The following FAM110B variants were observed in gnomAD, a reference collection of about 807,000 sequenced individuals.
The protein encoded by FAM110B is family with sequence similarity 110 member B.
A neutral mutation model predicts 20.4 loss-of-function variants in FAM110B; 6 were observed. That is an observed-to-expected ratio of 0.29 (90% CI 0.16 to 0.58). The LOEUF is 0.58. Ranked by LOEUF, FAM110B falls within the 20% of genes least tolerant of loss-of-function variation. The pLI is 0.90. For missense variants in FAM110B, 434 were observed against 498.2 expected (o/e 0.87, Z 1.23); for synonymous variants, 226 against 214.1 (o/e 1.06, Z -0.49).
At chr8:58,039,309 C>A (rs1293512659) in intron 2 of FAM110B, among the ~76,000 whole-genome samples, 2 of 152,184 alleles carry the variant, frequency 1.3e-5, no homozygotes, top group Non-Finnish European at 2.9e-5. Context: ...TCATTTCCTG[C>A]AGAGTGCCTG....
At chr8:57,997,725 T>TGGG (rs1257521442) in intron 1 of FAM110B, among the ~76,000 whole-genome samples, 1 of 152,202 alleles carries the variant, frequency 6.6e-6, no homozygotes, top group Non-Finnish European at 1.5e-5. Flanking sequence ...ATTCATTCTA[T>TGGG]TCAGTACAGA....
intron 3 of FAM110B, among the ~76,000 whole-genome samples, chr8:58,137,144 G>C (rs143043702): frequency 2.0e-5 from 3 of 152,200 alleles, no homozygotes; most frequent in Non-Finnish European, 4.4e-5. Flanking sequence ...AGCACAGGCC[G>C]TATCACTTGA....
At chr8:58,062,429 G>A (rs1384198841) in intron 2 of FAM110B, among the ~76,000 whole-genome samples, 2 of 152,098 alleles carry the variant, frequency 1.3e-5, no homozygotes, top group Non-Finnish European at 2.9e-5. Context: ...GACTCCATTT[G>A]CACATTAATT....
rs1360444803 is a variant in FAM110B at position 58,148,179 on chromosome 8, T to G, written c.*836T>G. The stretch of plus-strand genomic sequence containing the variant: ...TTGTGGTTTTTTGTTTTTTTTTTTT[T>G]TTTTTTTGGTCGAGAACTACTAATT... On this transcript the variant is annotated 3_prime_UTR_variant, in exon 4 of 4. Coordinates refer to ENST00000519262, the MANE Select transcript of FAM110B (RefSeq NM_001377989.1). 6.2e-6 allele frequency: 1 copy of G among 161,862 alleles called. No homozygotes were observed. The allele number at this position is 161,862 out of a possible 1,614,324, so 10.0% of individuals were successfully genotyped here.
intron 3 of FAM110B, among the ~76,000 whole-genome samples, chr8:58,097,149 T>C (rs1318991511): frequency 6.6e-6 from 1 of 152,180 alleles, no homozygotes; most frequent in Non-Finnish European, 1.5e-5. Context: ...TCCAACTTGG[T>C]TCCATTTTCC....
intron 2 of FAM110B, among the ~76,000 whole-genome samples, chr8:58,074,891 T>C (rs1805995745): frequency 6.6e-6 from 1 of 152,188 alleles, no homozygotes; most frequent in Admixed American, 6.5e-5. Context: ...GGAAGTAAGA[T>C]ATGATGCCAC....
intron 3 of FAM110B, among the ~76,000 whole-genome samples, chr8:58,079,092 C>T (rs959843045): frequency 1.2e-4 from 18 of 152,122 alleles, no homozygotes; most frequent in African/African-American, 4.1e-4. Flanking sequence ...TTTTGCCTCT[C>T]CCCAGATCAG....
At chr8:58,092,564 A>G (rs969392058) in intron 3 of FAM110B, among the ~76,000 whole-genome samples, 12 of 152,190 alleles carry the variant, frequency 7.9e-5, no homozygotes, top group African/African-American at 2.9e-4. Flanking sequence ...GTCCCTGCAA[A>G]GGACATGAAC....
intron 2 of FAM110B, among the ~76,000 whole-genome samples, chr8:58,047,886 A>C (rs1485689708): frequency 2.6e-5 from 4 of 152,100 alleles, no homozygotes; most frequent in Non-Finnish European, 5.9e-5. Flanking sequence ...GAATTTTGAA[A>C]AAAAAATTTT....
At chr8:58,097,998 C>T (rs7003275) in intron 3 of FAM110B, among the ~76,000 whole-genome samples, 47,848 of 152,102 alleles carry the variant, frequency 0.31, 10,768 homozygotes, top group African/African-American at 0.64. Flanking sequence ...CCTGACTGTC[C>T]CCCAGTCAGG....
chr8:58,124,147 A>G (rs913395211), intron 3 of FAM110B, among the ~76,000 whole-genome samples: 1 of 152,192 alleles, frequency 6.6e-6, no homozygotes, highest in South Asian at 2.1e-4. Context: ...TTACTGTTCA[A>G]TAGGTTGAAT....
intron 1 of FAM110B, among the ~76,000 whole-genome samples, chr8:58,015,103 C>A (rs1804611443): frequency 6.6e-6 from 1 of 152,208 alleles, no homozygotes; most frequent in African/African-American, 2.4e-5. Flanking sequence ...CGCCTGTAAT[C>A]CCAGCACTTT....
intron 2 of FAM110B, among the ~76,000 whole-genome samples, chr8:58,068,139 G>T (rs946509265): frequency 1.3e-5 from 2 of 152,232 alleles, no homozygotes. Context: ...GCCTGGAAGT[G>T]TTACTAGCCT....
intron 3 of FAM110B, among the ~76,000 whole-genome samples, chr8:58,097,502 T>C (rs968507539): frequency 4.6e-5 from 7 of 152,230 alleles, no homozygotes; most frequent in Non-Finnish European, 8.8e-5. Context: ...CTCCTTTAGC[T>C]TGGAGGAGTT....
intron 3 of FAM110B, among the ~76,000 whole-genome samples, chr8:58,123,000 AGAG>A (rs1398835611): frequency 6.6e-6 from 1 of 152,170 alleles, no homozygotes; most frequent in African/African-American, 2.4e-5. Flanking sequence ...CAGTTTCTTC[AGAG>A]GGAAAAATAA....
chr8:58,058,620 A>G (rs1363494984), intron 2 of FAM110B, among the ~76,000 whole-genome samples: 1 of 152,198 alleles, frequency 6.6e-6, no homozygotes, highest in Admixed American at 6.5e-5. Context: ...AAATACATAA[A>G]CTATAACTGT....
At chr8:58,036,958 AT>A (rs1467855685) in intron 2 of FAM110B, among the ~76,000 whole-genome samples, 2 of 152,350 alleles carry the variant, frequency 1.3e-5, no homozygotes, top group East Asian at 3.9e-4. Context: ...TTTTCCCGGA[AT>A]GAGTTTCCCT....
intron 1 of FAM110B, among the ~76,000 whole-genome samples, chr8:58,006,345 G>C (rs1488094608): frequency 6.6e-6 from 1 of 152,186 alleles, no homozygotes; most frequent in Non-Finnish European, 1.5e-5. Context: ...TTTGGTCCAG[G>C]AGTTAGTTTG....
chr8:58,063,052 C>T (rs1805688992), intron 2 of FAM110B, among the ~76,000 whole-genome samples: 1 of 152,110 alleles, frequency 6.6e-6, no homozygotes, highest in Admixed American at 6.5e-5. Context: ...ATGGTTAGCA[C>T]ATCAAAATCC....
Sources: allele counts gnomAD v4.1 joint callset (sites outside exome capture counted in the v4.1 genomes callset), GRCh38; gene constraint gnomAD v4.1.1; transcripts MANE v1.5; gene names NCBI Gene and HGNC (gene_info 2026-07-23, HGNC 2026-07-21).